Variants in FAM227B observed in about 807,000 individuals in gnomAD.
FAM227B encodes family with sequence similarity 227 member B, also known as protein FAM227B.
In FAM227B, 88 loss-of-function variants were observed where a neutral mutation model predicts 73.8. The ratio of observed to expected loss-of-function variants is 1.19; its 90% CI spans 1.00 to 1.42. FAM227B has a LOEUF of 1.42. Among genes scored for constraint, FAM227B ranks in the 40% most tolerant of loss-of-function variants. The probability of loss-of-function intolerance (pLI) is 0.00; values close to 1 mark genes in which losing one functional copy is unlikely to be tolerated. For missense variants in FAM227B, 632 were observed against 590.9 expected (o/e 1.07, Z -0.72); for synonymous variants, 210 against 190.5 (o/e 1.10, Z -0.84).
At chr15:49,572,420 T>C (rs2075170672) in intron 8 of FAM227B, among the ~76,000 whole-genome samples, 1 of 152,106 alleles carries the variant, frequency 6.6e-6, no homozygotes, top group Non-Finnish European at 1.5e-5. Context: ...GTGCTGCATC[T>C]CATAAGTTTT....
intron 13 of FAM227B, among the ~76,000 whole-genome samples, chr15:49,347,452 G>A (rs1412021405): frequency 6.6e-6 from 1 of 152,154 alleles, no homozygotes; most frequent in Non-Finnish European, 1.5e-5. Context: ...ACAGATTATT[G>A]ATGACCCTAT....
chr15:49,585,918 G>C (rs2076131953), intron 5 of FAM227B, among the ~76,000 whole-genome samples: 1 of 152,078 alleles, frequency 6.6e-6, no homozygotes, highest in Non-Finnish European at 1.5e-5. Flanking sequence ...CTCGTGAACA[G>C]GAAGAATCAA....
intron 10 of FAM227B, among the ~76,000 whole-genome samples, chr15:49,516,902 A>G (rs989637630): frequency 1.3e-5 from 2 of 152,196 alleles, no homozygotes; most frequent in Non-Finnish European, 2.9e-5. Context: ...AAGGCAAAGC[A>G]GTCAGTGTCA....
chr15:49,563,838 C>T (rs926483257), intron 9 of FAM227B, among the ~76,000 whole-genome samples: 2 of 152,150 alleles, frequency 1.3e-5, no homozygotes, highest in Admixed American at 6.5e-5. Context: ...CAAAGATTGA[C>T]TCAAGATGGA....
At chr15:49,472,515 G>T (rs1352217484) in intron 11 of FAM227B, among the ~76,000 whole-genome samples, 1 of 152,188 alleles carries the variant, frequency 6.6e-6, no homozygotes, top group East Asian at 1.9e-4. Flanking sequence ...AAAAGACTGG[G>T]AAATGGAAAG....
intron 7 of FAM227B, 158 bp downstream of exon 7, chr15:49,576,583 T>C: frequency 1.7e-6 from 1 of 575,102 alleles, no homozygotes; most frequent in East Asian, 2.9e-5. Flanking sequence ...TTCTGGTAAT[T>C]AGCGGTTAGA....
chr15:49,329,373 G>T, intron 15 of FAM227B: 1 of 985,046 alleles, frequency 1.0e-6, no homozygotes, highest in Non-Finnish European at 1.2e-6. Context: ...AAATACTCAG[G>T]TAATTGAGAT....
intron 15 of FAM227B, chr15:49,331,560 G>A: frequency 2.1e-6 from 1 of 484,600 alleles, no homozygotes; most frequent in South Asian, 3.6e-5. Context: ...AACTGTTCCT[G>A]GTCAGAAGCT....
At chr15:49,519,610 T>A (rs550965844) in intron 10 of FAM227B, among the ~76,000 whole-genome samples, 11 of 151,684 alleles carry the variant, frequency 7.3e-5, no homozygotes, top group Non-Finnish European at 1.6e-4. Context: ...ATCTGTACAT[T>A]GTATTTTGGC....
intron 11 of FAM227B, among the ~76,000 whole-genome samples, chr15:49,452,927 G>A (rs549529019): frequency 1.3e-4 from 20 of 152,162 alleles, no homozygotes; most frequent in African/African-American, 4.8e-4. Context: ...TCAAAGTCAG[G>A]AATTTATCAC....
At chr15:49,593,057 G>A (rs754335634) in intron 3 of FAM227B, among the ~76,000 whole-genome samples, 14 of 152,192 alleles carry the variant, frequency 9.2e-5, no homozygotes, top group African/African-American at 1.2e-4. Flanking sequence ...CAGTATTTGG[G>A]CAGAAGTGTA....
chr15:49,372,712 T>C (rs2045925299), intron 11 of FAM227B, among the ~76,000 whole-genome samples: 2 of 152,260 alleles, frequency 1.3e-5, no homozygotes, highest in African/African-American at 4.8e-5. Flanking sequence ...TATCTTAACA[T>C]CTGAGAAAAA....
At chr15:49,493,668 G>A (rs1421208424) in intron 11 of FAM227B, among the ~76,000 whole-genome samples, 1 of 151,736 alleles carries the variant, frequency 6.6e-6, no homozygotes, top group Non-Finnish European at 1.5e-5. Context: ...CTCAATAGAG[G>A]ATGGATAGGC....
chr15:49,410,823 ACT>A (rs1007824671), intron 11 of FAM227B, among the ~76,000 whole-genome samples: 2 of 152,272 alleles, frequency 1.3e-5, no homozygotes, highest in Admixed American at 1.3e-4. Flanking sequence ...TCAGAGGAAT[ACT>A]GATTAGAATG....
intron 11 of FAM227B, among the ~76,000 whole-genome samples, chr15:49,466,590 T>C (rs1452560332): frequency 6.6e-6 from 1 of 152,112 alleles, no homozygotes; most frequent in Non-Finnish European, 1.5e-5. Context: ...ATATATCTTA[T>C]GAATACATAA....
Position 49,367,542 on chromosome 15 carries a change from A to ATTT in FAM227B, c.1176_1177insAAA (p.Pro392_Leu393insLys). 1 of 1,606,962 alleles carries ATTT rather than the reference A, an allele frequency of 6.2e-7. No individual in the cohort carries two copies. The highest frequency in any genetic ancestry group is 8.5e-7 in the Non-Finnish European group (1 of 1,178,258). Reference sequence around the variant, plus strand: ...TGCATCTTAAGATAATATAAAATCAATGGACTCTGACCTCCAAAATTGAAG... The same window carrying ATTT: ...TGCATCTTAAGATAATATAAAATCAATTTTGGACTCTGACCTCCAAAATTGAAG... On this transcript the variant is annotated inframe_insertion, in exon 13 of 16. Transcript: ENST00000299338.
intron 3 of FAM227B, among the ~76,000 whole-genome samples, chr15:49,597,624 G>C (rs2076956966): frequency 6.6e-6 from 1 of 151,934 alleles, no homozygotes; most frequent in East Asian, 1.9e-4. Context: ...GATCACAGCA[G>C]AACTAAATGA....
chr15:49,604,139 A>G (rs1347708429), intron 3 of FAM227B, among the ~76,000 whole-genome samples: 1 of 152,196 alleles, frequency 6.6e-6, no homozygotes, highest in African/African-American at 2.4e-5. Flanking sequence ...CTATTACAGT[A>G]TTCTGATTTT....
At chr15:49,331,995 C>G (rs1211241639) in intron 14 of FAM227B, 146 bp from the exon 15 acceptor site, 1 of 618,614 alleles carries the variant, frequency 1.6e-6, no homozygotes, top group Non-Finnish European at 2.9e-6. Context: ...CTTAAAACTT[C>G]TGAAGTAGGT....
Sources: gnomAD v4.1 joint callset for allele counts (sites outside exome capture counted in the v4.1 genomes callset) on GRCh38, gnomAD v4.1.1 for gene constraint, MANE v1.5 for transcripts, NCBI Gene and HGNC (gene_info 2026-07-23, HGNC 2026-07-21) for gene names.